Variants in DCAF1 observed in about 807,000 individuals in gnomAD.
DCAF1 encodes the protein DDB1- and CUL4-associated factor 1.
Under a neutral mutation model 128.0 loss-of-function variants are expected in DCAF1, and 15 were observed. That is an observed-to-expected ratio of 0.12 (90% CI 0.08 to 0.18). The LOEUF (loss-of-function observed/expected upper bound fraction) is 0.18, where lower values mean the gene tolerates loss of function less well. Among genes scored for constraint, DCAF1 ranks in the 10% least tolerant of loss-of-function variants. The pLI is 1.00. For synonymous variants in DCAF1, 610 were observed against 603.0 expected (o/e 1.01, Z -0.17); for missense variants, 988 against 1,649.5 (o/e 0.60, Z 6.95).
chr3:51,454,712 C>T (rs1553642385), intron 6 of DCAF1, among the ~76,000 whole-genome samples: 7 of 151,814 alleles, frequency 4.6e-5, no homozygotes, highest in Non-Finnish European at 7.4e-5. Context: ...CTCGCTCTGT[C>T]GCCCAGGCTG....
chr3:51,408,129 T>C (rs1177065222), intron 23 of DCAF1, among the ~76,000 whole-genome samples: 1 of 152,152 alleles, frequency 6.6e-6, no homozygotes, highest in African/African-American at 2.4e-5. Context: ...CAAATATTTA[T>C]GGGTGTCCAA....
At chr3:51,447,765 T>C (rs1414935313) in intron 6 of DCAF1, among the ~76,000 whole-genome samples, 2 of 152,088 alleles carry the variant, frequency 1.3e-5, no homozygotes, top group African/African-American at 4.8e-5. Flanking sequence ...CTGGTCAACA[T>C]GGCAAAACTG....
chr3:51,429,227 C>A, intron 12 of DCAF1, 34 bp downstream of exon 12: 1 of 734,932 alleles, frequency 1.4e-6, no homozygotes, highest in Non-Finnish European at 2.5e-6. Context: ...AGAGGGCTAA[C>A]AGAACTTTCC....
chr3:51,414,795 G>T lies in DCAF1; in HGVS notation c.3666C>A (p.Asn1222Lys). 1.2e-6 allele frequency: 2 copies of T among 1,614,036 alleles called. No homozygotes were observed. Among genetic ancestry groups the T allele is most frequent in the South Asian group, 2.2e-5 (2 of 91,084 alleles). Residue 1222 changes from asparagine (N) to lysine (K), a missense_variant, in exon 19 of 25, where the codon AAC becomes AAA. Physicochemically the swap from Asn to Lys is moderately conservative, Grantham distance 94. Around this residue, in one of 11 missense-constraint regions of DCAF1, gnomAD observed 61 missense variants for 78.3 expected, o/e 0.78. Transcript: ENST00000684031. ...LTLFNPDLAN[N>K]YKRNCATFNP... ...TAAAGGTGGCACAGTTCCTCTTGTA[G>T]TTGTTGGCAAGATCTGGGTTAAACA...
chr3:51,428,499 A>C (rs1484626786), intron 12 of DCAF1, among the ~76,000 whole-genome samples: 1 of 151,804 alleles, frequency 6.6e-6, no homozygotes, highest in East Asian at 1.9e-4. Flanking sequence ...CAATTTTTAA[A>C]ATTTTTGTAA....
In DCAF1 at chr3:51,441,564, G is replaced by T. The variant is rs1553638718; in HGVS notation, c.847C>A (p.Gln283Lys). The T allele has an allele frequency of 1.2e-6, 2 of 1,613,980 alleles. No homozygotes were observed. Among genetic ancestry groups the T allele is most frequent in the South Asian group, 2.2e-5 (2 of 91,084 alleles). ...TCAGAAGATGAGAAACCCAACTTTT[G>T]CTTGGCTTTCCTAAAGTTCTCTCTG... ...GDRENFRKAK[Q>K]KLGFSSSDPD... is the part of the protein sequence containing the mutation. Residue 283 changes from glutamine (Q) to lysine (K), a missense_variant, in exon 8 of 25, where the codon CAA (glutamine) becomes AAA (lysine). Transcript: ENST00000684031.
intron 23 of DCAF1, 124 bp from the exon 24 acceptor site, chr3:51,403,519 G>T: frequency 6.9e-7 from 1 of 1,447,296 alleles, no homozygotes; most frequent in South Asian, 1.4e-5. Context: ...TGATCTAGAC[G>T]AGCACAGACT....
intron 6 of DCAF1, among the ~76,000 whole-genome samples, chr3:51,455,284 G>T (rs962132502): frequency 2.0e-5 from 3 of 152,122 alleles, no homozygotes; most frequent in South Asian, 2.1e-4. Flanking sequence ...CTCATCAAGA[G>T]TAAGAGTTTG....
intron 24 of DCAF1, 40 bp from the exon 25 acceptor site, chr3:51,398,867 G>A (rs1478878313): frequency 5.1e-6 from 8 of 1,560,592 alleles, no homozygotes; most frequent in Admixed American, 3.8e-5. Context: ...TTACACACTA[G>A]GCTTATAGGA....
At chr3:51,500,812 CTT>C (rs3051029), upstream of DCAF1, among the ~76,000 whole-genome samples, 16 of 128,640 alleles carry the variant, frequency 1.2e-4, no homozygotes, top group East Asian at 1.2e-3. Flanking sequence ...TTTTCTCTGT[CTT>C]TTTTTTTTTT....
At chr3:51,462,405 C>G (rs1448220682) in intron 6 of DCAF1, among the ~76,000 whole-genome samples, 1 of 151,672 alleles carries the variant, frequency 6.6e-6, no homozygotes, top group African/African-American at 2.4e-5. Context: ...GGCGACAGAG[C>G]AAGACTCAGT....
intron 11 of DCAF1, 148 bp from the exon 12 acceptor site, chr3:51,429,618 C>A (rs1700197476): frequency 3.2e-6 from 2 of 618,538 alleles, no homozygotes; most frequent in Non-Finnish European, 5.8e-6. Context: ...TTATGCTTAA[C>A]AAGACTGACA....
chr3:51,452,251 T>C (rs1344582561), intron 6 of DCAF1, among the ~76,000 whole-genome samples: 1 of 152,098 alleles, frequency 6.6e-6, no homozygotes, highest in Non-Finnish European at 1.5e-5. Flanking sequence ...TCTCCTTAGG[T>C]TATCCAGGCT....
intron 6 of DCAF1, 131 bp downstream of exon 6, chr3:51,462,983 T>C (rs1703766861): frequency 4.6e-6 from 2 of 438,336 alleles, no homozygotes; most frequent in East Asian, 7.6e-5. Context: ...TCAGGATTTC[T>C]TAGATTTTTA....
chr3:51,409,764 G>A (rs1472920701), intron 23 of DCAF1, among the ~76,000 whole-genome samples: 1 of 152,190 alleles, frequency 6.6e-6, no homozygotes, highest in Non-Finnish European at 1.5e-5. Flanking sequence ...TTAAGGGAGT[G>A]AGGTGTCTAA....
rs561635389 is a variant in DCAF1, at chr3:51,474,277, G to A, written c.111-3272C>T. ...CTGCTAAAAATACAAAAAATTAGCC[G>A]GGCATGGTGGTGCATGCCTGTAATT... On this transcript the variant is annotated intron_variant, in intron 3 of 24. Transcript: ENST00000684031. 4.6e-5 allele frequency among the ~76,000 whole-genome samples: 7 copies of A among 152,134 alleles called. No homozygotes were observed. The East Asian group carries it at 9.8e-4, about 21-fold the overall frequency.
Position 51,430,117 on chromosome 3 carries a change from G to A in DCAF1, c.1383C>T (p.Thr461=). Residue 461 remains threonine, a synonymous_variant, in exon 11 of 25, where the codon ACC becomes ACT. Transcript: ENST00000684031. ...ATGAGAAGCAAATTGAAAAAAACAT[G>A]GTAGCATGGCAGCATCCTGAAGCAT... ...CSHASGCCHA[T]MFFSICFSFR... is the part of the protein sequence containing the mutation. 1.3e-6 allele frequency: 1 copy of A among 780,848 alleles called. No individual in the cohort carries two copies. 48.4% of individuals were successfully genotyped at this position (780,848 alleles called of 1,614,324 possible).
chr3:51,491,313 A>G (rs1577327627), intron 2 of DCAF1, among the ~76,000 whole-genome samples: 1 of 150,264 alleles, frequency 6.7e-6, no homozygotes, highest in African/African-American at 2.5e-5. Context: ...GCGCCACTGC[A>G]CTCCAGCAAG....
chr3:51,444,425 A>G (rs909705415), intron 6 of DCAF1, among the ~76,000 whole-genome samples: 1 of 151,096 alleles, frequency 6.6e-6, no homozygotes, highest in Non-Finnish European at 1.5e-5. Context: ...ATCTTGGCTC[A>G]CTGCAACCTC....
Sources: gnomAD v4.1 joint callset for allele counts (sites outside exome capture counted in the v4.1 genomes callset) on GRCh38, gnomAD v4.1.1 for gene constraint, gnomAD v4.1.1 regional missense constraint, MANE v1.5 for transcripts, NCBI Gene and HGNC (gene_info 2026-07-23, HGNC 2026-07-21) for gene names.